UBAP1: variants seen among roughly 807,000 people sequenced by gnomAD.
UBAP1 encodes ubiquitin-associated protein 1.
Under a neutral mutation model 39.0 loss-of-function variants are expected in UBAP1, and 5 were observed. That is an observed-to-expected ratio of 0.13 (90% CI 0.07 to 0.27). The LOEUF (loss-of-function observed/expected upper bound fraction) is 0.27. UBAP1 is among the 10% of genes least tolerant of loss of function. The pLI is 1.00. For synonymous variants in UBAP1, 211 were observed against 225.1 expected (o/e 0.94, Z 0.56); for missense variants, 490 against 608.1 (o/e 0.81, Z 2.04).
intron 2 of UBAP1, among the ~76,000 whole-genome samples, chr9:34,232,186 G>C (rs1012491111): frequency 2.0e-5 from 3 of 152,008 alleles, no homozygotes; most frequent in African/African-American, 7.2e-5. Flanking sequence ...GTAGAGAGGG[G>C]GTTTCACCAT....
chr9:34,230,992 A>T (rs1048051081), intron 2 of UBAP1, among the ~76,000 whole-genome samples: 1 of 151,896 alleles, frequency 6.6e-6, no homozygotes, highest in African/African-American at 2.4e-5. Context: ...AGCCTGGACG[A>T]CATAATGAGA....
At chr9:34,231,733 C>T (rs1184288637) in intron 2 of UBAP1, among the ~76,000 whole-genome samples, 1 of 152,036 alleles carries the variant, frequency 6.6e-6, no homozygotes, top group Non-Finnish European at 1.5e-5. Flanking sequence ...CAAGCTCCGC[C>T]TCCCGGGTTC....
At chr9:34,181,116 C>CTTTCTTTTTTTTT (rs1193356334) in intron 1 of UBAP1, among the ~76,000 whole-genome samples, 2,763 of 72,116 alleles carry the variant, frequency 0.038, 181 homozygotes, top group Middle Eastern at 0.069. Context: ...GGCCTGTTTT[C>CTTTCTTTTTTTTT]TTTTTTTTTT....
rs368507896 is a variant in UBAP1 at position 34,241,684 on chromosome 9, G to A, written c.659G>A (p.Arg220Gln). 14 of 1,613,794 alleles carry A rather than the reference G, an allele frequency of 8.7e-6. No homozygotes were observed. In the African/African-American group the frequency reaches 9.4e-5, roughly 11 times the overall value. Residue 220 changes from arginine (R) to glutamine (Q), a missense_variant, in exon 4 of 7, where the codon CGG (arginine) becomes CAG (glutamine). Around this residue, in one of 3 missense-constraint regions of UBAP1, gnomAD observed 339 missense variants for 390.0 expected, o/e 0.87. Transcript: ENST00000297661. The stretch of plus-strand genomic sequence containing the variant: ...GAGGAGGTCCTGGCATCCTTGGAAC[G>A]GGCAACCCTAGATTTCAAGCCTCTT... ...QDEEVLASLE[R>Q]ATLDFKPLHK...
chr9:34,243,262 C>G (rs1240927513), intron 4 of UBAP1, among the ~76,000 whole-genome samples: 1 of 152,186 alleles, frequency 6.6e-6, no homozygotes, highest in African/African-American at 2.4e-5. Flanking sequence ...CTCCCTTCCT[C>G]TCATTTAAAG....
intron 1 of UBAP1, among the ~76,000 whole-genome samples, chr9:34,181,626 G>A (rs1333353664): frequency 6.8e-6 from 1 of 147,400 alleles, no homozygotes; most frequent in Non-Finnish European, 1.5e-5. Flanking sequence ...TAGAGACGGG[G>A]TTTCACTGGG....
intron 4 of UBAP1, among the ~76,000 whole-genome samples, chr9:34,246,943 C>T (rs1834208365): frequency 6.6e-6 from 1 of 152,160 alleles, no homozygotes; most frequent in Non-Finnish European, 1.5e-5. Flanking sequence ...CTTCAGTCAT[C>T]GAGTATGAAA....
At chr9:34,244,548 C>T (rs1173791766) in intron 4 of UBAP1, among the ~76,000 whole-genome samples, 2 of 9,176 alleles carry the variant, frequency 2.2e-4, no homozygotes, top group African/African-American at 5.1e-4. Flanking sequence ...CTGCAACCTC[C>T]GCCTCCCGGG....
At chr9:34,215,091 G>A (rs1834184069) in intron 1 of UBAP1, among the ~76,000 whole-genome samples, 1 of 152,126 alleles carries the variant, frequency 6.6e-6, no homozygotes, top group South Asian at 2.1e-4. Context: ...ACTAAGAGTA[G>A]AACTACCATT....
At chr9:34,199,543 CA>C (rs1831247162) in intron 1 of UBAP1, among the ~76,000 whole-genome samples, 1 of 152,194 alleles carries the variant, frequency 6.6e-6, no homozygotes, top group Admixed American at 6.5e-5. Flanking sequence ...ATACATTTGT[CA>C]AAACTGAAAA....
chr9:34,251,650 C>T lies in UBAP1; in HGVS notation c.*118C>T. On this transcript the variant is annotated 3_prime_UTR_variant, in exon 7 of 7. Coordinates refer to ENST00000297661, the MANE Select transcript of UBAP1 (RefSeq NM_016525.5). The stretch of plus-strand genomic sequence containing the variant: ...GATTTTCTTTTGGGGGTTAGAAGGT[C>T]AGGTGTGGAGACTGCTCGCCAGTCT... 1 of 1,208,624 alleles carries T rather than the reference C, an allele frequency of 8.3e-7. No individual in the cohort carries two copies. Among genetic ancestry groups the T allele is most frequent in the Non-Finnish European group, 1.1e-6 (1 of 884,400 alleles). 74.9% of individuals were successfully genotyped at this position (1,208,624 alleles called of 1,614,324 possible). A position where few individuals can be genotyped will look rare whatever the true frequency, so the allele number is the denominator to read the frequency against.
chr9:34,244,456 A>T (rs1454124195), intron 4 of UBAP1, among the ~76,000 whole-genome samples: 26 of 75,484 alleles, frequency 3.4e-4, no homozygotes, highest in African/African-American at 2.7e-4. Flanking sequence ...AAGTTCTTTC[A>T]CTTTACTCTT....
At chr9:34,212,333 C>CTTGAGTTCAGAAG (rs1460390663) in intron 1 of UBAP1, among the ~76,000 whole-genome samples, 1 of 150,278 alleles carries the variant, frequency 6.7e-6, no homozygotes, top group Non-Finnish European at 1.5e-5. Context: ...AGGAGGATAG[C>CTTGAGTTCAGAAG]TTGAGTTCAG....
At chr9:34,196,533 T>C (rs1587804258) in intron 1 of UBAP1, among the ~76,000 whole-genome samples, 1 of 152,090 alleles carries the variant, frequency 6.6e-6, no homozygotes, top group East Asian at 1.9e-4. Context: ...ACCAGGCTGG[T>C]CTCGAACTCC....
rs58102579 is a variant in UBAP1, at chr9:34,182,200, A to ATTTATTTATTTT, written c.-8+2962_-8+2963insTATTTATTTTTT. On this transcript the variant is annotated intron_variant, in intron 1 of 6. Coordinates refer to ENST00000297661, the MANE Select transcript of UBAP1 (RefSeq NM_016525.5). Reference sequence around the variant, plus strand: ...TATTTATTTATTTATTTATTTATTTATTGAGACTGAGTCTCGCACTGTTGC... The same window carrying ATTTATTTATTTT: ...TATTTATTTATTTATTTATTTATTTATTTATTTATTTTTTGAGACTGAGTCTCGCACTGTTGC... 6.4e-3 allele frequency among the ~76,000 whole-genome samples: 646 copies of ATTTATTTATTTT among 100,616 alleles called. 54 individuals are homozygous for ATTTATTTATTTT. The highest frequency in any genetic ancestry group is 0.02 in the African/African-American group (619 of 31,728). The allele number at this position is 100,616 out of a possible 152,430, so 66.0% of individuals were successfully genotyped here. A position where few individuals can be genotyped will look rare whatever the true frequency, so the allele number is the denominator to read the frequency against.
At chr9:34,207,961 A>G (rs1334459711) in intron 1 of UBAP1, among the ~76,000 whole-genome samples, 4 of 152,098 alleles carry the variant, frequency 2.6e-5, no homozygotes, top group Non-Finnish European at 4.4e-5. Context: ...ATAATAATGG[A>G]TATCTTTGTC....
rs557088605 is a variant in UBAP1, at chr9:34,234,733, G to A, written c.159+393G>A. The stretch of plus-strand genomic sequence containing the variant: ...CTCAAGTGTTTGTGGTGATGCTGGT[G>A]TAAACACATCTGCTGCATTGACAGT... On this transcript the variant is annotated intron_variant, in intron 3 of 6. Transcript: ENST00000297661. Among the ~76,000 whole-genome samples the A allele has an allele frequency of 1.1e-4, 16 of 152,268 alleles. No individual in the cohort carries two copies. The South Asian group carries it at 2.9e-3, about 28-fold the overall frequency.
intron 1 of UBAP1, chr9:34,201,379 T>TA (rs1563894117): frequency 6.6e-6 from 1 of 151,980 alleles, no homozygotes; most frequent in Non-Finnish European, 1.5e-5. Flanking sequence ...ACCCCAACTC[T>TA]ACTAAAAATA....
At chr9:34,212,755 C>T (rs1169325126) in intron 1 of UBAP1, among the ~76,000 whole-genome samples, 1 of 152,090 alleles carries the variant, frequency 6.6e-6, no homozygotes. Context: ...CAGATGGCTT[C>T]ACAGCAGAAT....
Sources: allele counts gnomAD v4.1 joint callset (sites outside exome capture counted in the v4.1 genomes callset), GRCh38; gene constraint gnomAD v4.1.1; regional missense constraint gnomAD v4.1.1; transcripts MANE v1.5; gene names NCBI Gene and HGNC (gene_info 2026-07-23, HGNC 2026-07-21).